ZC3H11A: variants seen among roughly 807,000 people sequenced by gnomAD.
ZC3H11A encodes zinc finger CCCH-type containing 11A, also known as zinc finger CCCH domain-containing protein 11A.
ZC3H11A carries 22 observed loss-of-function variants against 90.8 expected under a neutral mutation model. The ratio of observed to expected loss-of-function variants is 0.24; its 90% CI spans 0.17 to 0.35. The LOEUF is 0.35. Among genes scored for constraint, ZC3H11A ranks in the 10% least tolerant of loss-of-function variants. The pLI, the probability that ZC3H11A is intolerant of heterozygous loss-of-function variation, is 1.00. For missense variants in ZC3H11A, 701 were observed against 964.9 expected (o/e 0.73, Z 3.62); for synonymous variants, 294 against 339.8 (o/e 0.87, Z 1.48).
chr1:203,847,639 G>C lies in ZC3H11A; in HGVS notation c.1498G>C (p.Glu500Gln), dbSNP rs201804286. Reference sequence around the variant, plus strand: ...CAGCACCAGCTCCCCGTCTCAACACGAGGCCACTCCAGGGGCAAGGCGGCT... The same window carrying C: ...CAGCACCAGCTCCCCGTCTCAACACCAGGCCACTCCAGGGGCAAGGCGGCT... The part of the protein sequence containing the change: ...ESSTSSPSQH[E>Q]ATPGARRLLR... The change falls in exon 13 of 18, where the codon GAG (glutamate) becomes CAG (glutamine). Residue 500 changes from glutamate (E) to glutamine (Q), a missense_variant. Physicochemically the swap from Glu to Gln is conservative, Grantham distance 29 (BLOSUM62 2). This residue lies in a region of ZC3H11A where 530 missense variants were observed against 696.2 expected (regional missense o/e 0.76). Transcript: ENST00000367210. 1 of 1,613,230 alleles carries C rather than the reference G, an allele frequency of 6.2e-7. No individual in the cohort carries two copies. Among genetic ancestry groups the C allele is most frequent in the Non-Finnish European group, 8.5e-7 (1 of 1,179,992 alleles).
intron 12 of ZC3H11A, among the ~76,000 whole-genome samples, chr1:203,841,630 G>C (rs1363762668): frequency 6.6e-6 from 1 of 152,170 alleles, no homozygotes; most frequent in African/African-American, 2.4e-5. Context: ...CGACAAAACC[G>C]CCTTTGTCAT....
intron 7 of ZC3H11A, 81 bp downstream of exon 7, chr1:203,829,977 T>C (rs1681733314): frequency 1.4e-6 from 2 of 1,414,860 alleles, no homozygotes; most frequent in African/African-American, 1.4e-5. Flanking sequence ...TTGACCTCCC[T>C]CTTCTTTTTC....
At position 203,802,160 on chromosome 1, in the gene ZC3H11A, C is replaced by T. The variant is rs1028642960; in HGVS notation, c.-1002C>T. 1 of 152,542 alleles carries T rather than the reference C, an allele frequency of 6.6e-6. No homozygotes were observed. The highest frequency in any genetic ancestry group is 2.4e-5 in the African/African-American group (1 of 41,418). The allele number at this position is 152,542 out of a possible 1,614,324, so 9.4% of individuals were successfully genotyped here. ...ACTCTGTAGTTACTCTATTACCATACGTTTCTATCTTTTTTGGTTAAACAC... is the reference window on the plus strand; with the variant it reads ...ACTCTGTAGTTACTCTATTACCATATGTTTCTATCTTTTTTGGTTAAACAC... On this transcript the variant is annotated 5_prime_UTR_variant, in exon 2 of 18. In the 5' UTR this introduces an upstream ATG that the reference lacks. Transcript: ENST00000367210.
chr1:203,823,146 A>G (rs1679342387), intron 4 of ZC3H11A, among the ~76,000 whole-genome samples: 1 of 152,204 alleles, frequency 6.6e-6, no homozygotes, highest in African/African-American at 2.4e-5. Flanking sequence ...AGGGTATGGC[A>G]GTGTCTCCAG....
At chr1:203,830,030 C>T in intron 7 of ZC3H11A, 93 bp from the exon 8 acceptor site, 1 of 1,327,456 alleles carries the variant, frequency 7.5e-7, no homozygotes, top group Non-Finnish European at 1.1e-6. Context: ...TTCTGTTGAT[C>T]ATTTATTCAA....
chr1:203,798,693 C>G, intron 1 of ZC3H11A: 1 of 1,536,128 alleles, frequency 6.5e-7, no homozygotes, highest in African/African-American at 1.4e-5. Flanking sequence ...GCAAGGCACT[C>G]TGATGCGTGC....
At chr1:203,825,945 A>G (rs541190202) in intron 4 of ZC3H11A, among the ~76,000 whole-genome samples, 5 of 152,344 alleles carry the variant, frequency 3.3e-5, no homozygotes, top group Admixed American at 1.3e-4. Context: ...TAGCAAATGT[A>G]TTAAACAGAT....
intron 4 of ZC3H11A, among the ~76,000 whole-genome samples, chr1:203,827,398 T>G (rs752517104): frequency 5.0e-4 from 76 of 151,146 alleles, no homozygotes; most frequent in Non-Finnish European, 9.3e-4. Context: ...GTAAGGTGAC[T>G]GGCCGGGTGC....
chr1:203,841,558 T>C (rs762432899), intron 12 of ZC3H11A, among the ~76,000 whole-genome samples: 56 of 152,384 alleles, frequency 3.7e-4, no homozygotes, highest in Non-Finnish European at 3.5e-4. Flanking sequence ...TACTTCTTTC[T>C]ACACAGACAC....
chr1:203,850,238 G>A, intron 15 of ZC3H11A: 1 of 663,330 alleles, frequency 1.5e-6, no homozygotes. Flanking sequence ...AAAGCTTTGT[G>A]TAAAACTTTC....
intron 1 of ZC3H11A, chr1:203,797,148 G>C (rs1395341804): frequency 6.2e-6 from 1 of 161,126 alleles, no homozygotes; most frequent in East Asian, 1.8e-4. Context: ...TATAGTTCTT[G>C]ATGAAGCAGG....
At chr1:203,813,277 G>C (rs1184071949) in intron 2 of ZC3H11A, among the ~76,000 whole-genome samples, 1 of 151,862 alleles carries the variant, frequency 6.6e-6, no homozygotes, top group Non-Finnish European at 1.5e-5. Context: ...TGTGATCTCA[G>C]CTCACTGCAA....
intron 1 of ZC3H11A, chr1:203,797,578 G>A (rs777164103): frequency 7.2e-6 from 11 of 1,533,094 alleles, no homozygotes; most frequent in Non-Finnish European, 9.6e-6. Flanking sequence ...GGCAGAAGAT[G>A]CAACACTTTT....
chr1:203,817,866 C>G (rs1482990308), intron 3 of ZC3H11A, among the ~76,000 whole-genome samples: 1 of 151,952 alleles, frequency 6.6e-6, no homozygotes. Flanking sequence ...CATTCTCCTG[C>G]CTCAGCCTCC....
intron 12 of ZC3H11A, among the ~76,000 whole-genome samples, chr1:203,846,115 CAAAAAA>C (rs34793133): frequency 1.9e-5 from 1 of 53,182 alleles, no homozygotes; most frequent in Non-Finnish European, 3.6e-5. Context: ...TCGTCTTTAC[CAAAAAA>C]AAAAAAAAAA....
At chr1:203,842,463 C>T (rs1028711024) in intron 12 of ZC3H11A, among the ~76,000 whole-genome samples, 2 of 151,952 alleles carry the variant, frequency 1.3e-5, no homozygotes, top group African/African-American at 4.8e-5. Context: ...TCAAGTGTGG[C>T]GGCGCGCGCC....
In ZC3H11A at chr1:203,797,660, G is replaced by T. The variant is rs1016151542; in HGVS notation, c.-1588+1866G>T. 3.3e-6 allele frequency: 5 copies of T among 1,536,080 alleles called. No homozygotes were observed. The Admixed American group carries it at 9.8e-5, about 30-fold the overall frequency. ...ATGAAGAAGATGTGGTAGAGGAAAA[G>T]ATGGTAGCAGAAGGAGTGAATAAAG... is the stretch of plus-strand genomic sequence containing the variant. On this transcript the variant is annotated intron_variant, in intron 1 of 17. Coordinates refer to ENST00000367210, the MANE Select transcript of ZC3H11A (RefSeq NM_001376342.1).
At chr1:203,831,539 T>C (rs1682372765) in intron 8 of ZC3H11A, 122 bp from the exon 9 acceptor site, 1 of 729,748 alleles carries the variant, frequency 1.4e-6, no homozygotes, top group Admixed American at 2.4e-5. Context: ...GAAAGGCTGA[T>C]TGGCTTATAG....
At chr1:203,827,073 T>G (rs557462591) in intron 4 of ZC3H11A, among the ~76,000 whole-genome samples, 1 of 152,340 alleles carries the variant, frequency 6.6e-6, no homozygotes, top group South Asian at 2.1e-4. Flanking sequence ...TGCACTCTTG[T>G]GTCTGGCTTC....
Sources: allele counts gnomAD v4.1 joint callset (sites outside exome capture counted in the v4.1 genomes callset), GRCh38; gene constraint gnomAD v4.1.1; regional missense constraint gnomAD v4.1.1; transcripts MANE v1.5; gene names NCBI Gene and HGNC (gene_info 2026-07-23, HGNC 2026-07-21).